Variants in USP12 observed in about 807,000 individuals in gnomAD.
The protein encoded by USP12 is ubiquitin specific peptidase 12, also known as ubiquitin carboxyl-terminal hydrolase 12.
In USP12, 19 loss-of-function variants were observed where a neutral mutation model predicts 45.5. The observed-to-expected ratio is 0.42, with a 90% CI of 0.29 to 0.61. The LOEUF is 0.61. USP12 is among the 20% of genes least tolerant of loss of function. The pLI, the probability that USP12 is intolerant of heterozygous loss-of-function variation, is 0.22. For missense variants in USP12, 242 were observed against 447.7 expected (o/e 0.54, Z 4.15); for synonymous variants, 149 against 148.8 (o/e 1.00, Z -0.01).
chr13:27,069,759 C>A (rs1873153478), intron 8 of USP12, among the ~76,000 whole-genome samples: 1 of 152,204 alleles, frequency 6.6e-6, no homozygotes, highest in South Asian at 2.1e-4. Flanking sequence ...ACCAGCCTGA[C>A]CAACGTGGAG....
chr13:27,142,993 T>G (rs1593205582), intron 1 of USP12, among the ~76,000 whole-genome samples: 2 of 151,772 alleles, frequency 1.3e-5, no homozygotes, highest in East Asian at 3.9e-4. Context: ...CTTGGGAGGC[T>G]GAGGCAGGAG....
intron 8 of USP12, 117 bp downstream of exon 8, chr13:27,070,954 C>A: frequency 1.2e-6 from 1 of 832,220 alleles, no homozygotes; most frequent in Non-Finnish European, 1.9e-6. Flanking sequence ...AATCTATAGA[C>A]CCAGACATTT....
chr13:27,092,178 T>A (rs1312616431), intron 4 of USP12, among the ~76,000 whole-genome samples: 1 of 152,088 alleles, frequency 6.6e-6, no homozygotes, highest in Admixed American at 6.5e-5. Flanking sequence ...GGTATTGATA[T>A]GAGGAAGAAC....
At chr13:27,093,217 A>C (rs1316151934) in intron 4 of USP12, among the ~76,000 whole-genome samples, 1 of 151,988 alleles carries the variant, frequency 6.6e-6, no homozygotes, top group Non-Finnish European at 1.5e-5. Context: ...TGCCAAAAAC[A>C]GTGTTAAAAG....
chr13:27,140,865 T>G (rs1877020554), intron 1 of USP12, among the ~76,000 whole-genome samples: 1 of 151,912 alleles, frequency 6.6e-6, no homozygotes, highest in South Asian at 2.1e-4. Context: ...AATGACACAC[T>G]AAAATTAGAG....
intron 1 of USP12, among the ~76,000 whole-genome samples, chr13:27,145,680 T>C (rs1288563474): frequency 6.6e-6 from 1 of 152,164 alleles, no homozygotes; most frequent in East Asian, 1.9e-4. Context: ...GTTGTTTATC[T>C]AGTTGTTTCA....
intron 6 of USP12, among the ~76,000 whole-genome samples, chr13:27,076,286 A>T (rs1873484460): frequency 6.6e-6 from 1 of 152,188 alleles, no homozygotes. Context: ...GAAACTTAGG[A>T]GTTAAGTTTT....
chr13:27,114,046 G>A (rs866695583), intron 2 of USP12, among the ~76,000 whole-genome samples: 2 of 152,124 alleles, frequency 1.3e-5, no homozygotes, highest in Non-Finnish European at 2.9e-5. Context: ...TGAAGGGAAA[G>A]CACATTTCTT....
At chr13:27,078,583 T>C (rs1389843518) in intron 6 of USP12, among the ~76,000 whole-genome samples, 1 of 151,740 alleles carries the variant, frequency 6.6e-6, no homozygotes. Flanking sequence ...AGACATACCA[T>C]GTAAACACTA....
rs746258512 is a variant in USP12 at position 27,075,407 on chromosome 13, A to G, written c.735-19T>C. 7.5e-6 allele frequency: 12 copies of G among 1,589,954 alleles called. No homozygotes were observed. In the African/African-American group the frequency reaches 1.5e-4, roughly 20 times the overall value. On this transcript the variant is annotated intron_variant, in intron 6 of 8. Transcript: ENST00000282344. Reference sequence around the variant, plus strand: ...TTTCATCCTATTAAAAATAAAAATGAAAACAAAATTTCATAAAAGATATCC... The same window carrying G: ...TTTCATCCTATTAAAAATAAAAATGGAAACAAAATTTCATAAAAGATATCC...
chr13:27,131,160 T>C (rs1876481753), intron 1 of USP12, among the ~76,000 whole-genome samples: 1 of 152,208 alleles, frequency 6.6e-6, no homozygotes, highest in Admixed American at 6.5e-5. Context: ...GCAGTCAATA[T>C]GGGAACTTGA....
chr13:27,156,289 G>A (rs1170860015), intron 1 of USP12, among the ~76,000 whole-genome samples: 1 of 151,072 alleles, frequency 6.6e-6, no homozygotes, highest in Non-Finnish European at 1.5e-5. Context: ...AAACACAAAG[G>A]ATGGAAGAAC....
At chr13:27,090,388 CA>C (rs1362149076) in intron 4 of USP12, among the ~76,000 whole-genome samples, 1 of 152,118 alleles carries the variant, frequency 6.6e-6, no homozygotes, top group Non-Finnish European at 1.5e-5. Context: ...CTCTCACTGG[CA>C]AAGGCTAGTA....
chr13:27,110,246 A>G (rs1264503267), intron 2 of USP12, among the ~76,000 whole-genome samples: 1 of 152,004 alleles, frequency 6.6e-6, no homozygotes, highest in Non-Finnish European at 1.5e-5. Flanking sequence ...TAGCTTTTCA[A>G]AGGAGGTGTT....
intron 2 of USP12, among the ~76,000 whole-genome samples, chr13:27,107,294 C>T (rs571091254): frequency 2.0e-5 from 3 of 152,136 alleles, no homozygotes; most frequent in Non-Finnish European, 2.9e-5. Context: ...CACTGCACTC[C>T]GGCTTGGATG....
chr13:27,071,207 C>G, intron 7 of USP12, 58 bp from the exon 8 acceptor site: 1 of 1,450,028 alleles, frequency 6.9e-7, no homozygotes, highest in Non-Finnish European at 9.3e-7. Flanking sequence ...CTCTTTCATG[C>G]TCTAAATTTT....
intron 1 of USP12, among the ~76,000 whole-genome samples, chr13:27,132,326 T>C (rs1454148228): frequency 6.6e-6 from 1 of 152,160 alleles, no homozygotes; most frequent in Non-Finnish European, 1.5e-5. Flanking sequence ...GTAGAAATGT[T>C]AGTAACTTCA....
At position 27,105,883 on chromosome 13, in the gene USP12, C is replaced by T; in HGVS notation, c.191G>A (p.Arg64Gln). 1.2e-6 allele frequency: 2 copies of T among 1,613,602 alleles called. No individual in the cohort carries two copies. Among genetic ancestry groups the T allele is most frequent in the Non-Finnish European group, 1.7e-6 (2 of 1,179,752 alleles). ...ACTCTTATACGCAAGAACTTTTTCC[C>T]GAAATGGACGACAAAAATAAAGTGC... Reference protein sequence around the residue: ...LQALYFCRPFREKVLAYKSQP... With the variant: ...LQALYFCRPFQEKVLAYKSQP... Residue 64 changes from arginine to glutamine, a missense_variant, in exon 3 of 9, where the codon CGG becomes CAG. Coordinates refer to ENST00000282344, the MANE Select transcript of USP12 (RefSeq NM_182488.4).
intron 1 of USP12, among the ~76,000 whole-genome samples, chr13:27,134,633 C>G (rs891645681): frequency 6.6e-6 from 1 of 151,920 alleles, no homozygotes; most frequent in Non-Finnish European, 1.5e-5. Flanking sequence ...AAAAAAACCT[C>G]AAATAAACAA....
Sources: gnomAD v4.1 joint callset for allele counts (sites outside exome capture counted in the v4.1 genomes callset) on GRCh38, gnomAD v4.1.1 for gene constraint, MANE v1.5 for transcripts, NCBI Gene and HGNC (gene_info 2026-07-23, HGNC 2026-07-21) for gene names.